Variants in TRPM3 observed in about 807,000 individuals in gnomAD.
TRPM3 encodes long transient receptor potential channel 3.
In TRPM3, 77 loss-of-function variants were observed where a neutral mutation model predicts 181.2. The ratio of observed to expected loss-of-function variants is 0.42; its 90% confidence interval spans 0.35 to 0.51. The LOEUF is 0.51. Among genes scored for constraint, TRPM3 ranks in the 20% least tolerant of loss-of-function variants. The probability of loss-of-function intolerance (pLI) is 0.01; values close to 1 mark genes in which losing one functional copy is unlikely to be tolerated. For missense variants in TRPM3, 1,759 were observed against 2,196.7 expected, an observed-to-expected ratio of 0.80 and a Z score of 3.98; for synonymous variants, 745 against 796.4, an observed-to-expected ratio of 0.94 and a Z score of 1.09.
chr9:70,755,593 C>G (rs988901483), intron 8 of TRPM3, among the ~76,000 whole-genome samples: 1 of 152,098 alleles, frequency 6.6e-6, no homozygotes, highest in African/African-American at 2.4e-5. Context: ...TCTCGAACTC[C>G]TGACCTCAGG....
intron 1 of TRPM3, among the ~76,000 whole-genome samples, chr9:71,414,032 T>TGAAA (rs1299098709): frequency 6.6e-6 from 1 of 152,102 alleles, no homozygotes; most frequent in Admixed American, 6.6e-5. Context: ...CAAGGCTAAA[T>TGAAA]GAAACCATAA....
At position 71,027,937 on chromosome 9, in the gene TRPM3, C is replaced by T. The variant is rs750798911; in HGVS notation, c.177+93241G>A. Among the ~76,000 whole-genome samples the T allele has an allele frequency of 9.1e-4, 139 of 152,134 alleles. 1 individual carries two copies. Among genetic ancestry groups the T allele is most frequent in the Non-Finnish European group, 1.9e-4 (13 of 68,036 alleles). On this transcript the variant is annotated intron_variant, in intron 1 of 25. Coordinates refer to ENST00000677713, the MANE Select transcript of TRPM3 (RefSeq NM_001366145.2). ...AACTTCCCCAACCTAGCTAGAGAGG[C>T]CAACATTCAAATTCAGGAAATGCAG...
At chr9:71,101,956 A>T (rs140801293) in intron 1 of TRPM3, among the ~76,000 whole-genome samples, 183 of 152,298 alleles carry the variant, frequency 1.2e-3, no homozygotes, top group African/African-American at 4.1e-3. Context: ...AATCAAAACT[A>T]TTCCAGCTTT....
intron 1 of TRPM3, among the ~76,000 whole-genome samples, chr9:71,048,128 T>C (rs1271011191): frequency 6.6e-6 from 1 of 152,214 alleles, no homozygotes; most frequent in African/African-American, 2.4e-5. Context: ...TTACTCTTAA[T>C]GGCAAAACCA....
chr9:71,029,250 A>C (rs1292691485), intron 1 of TRPM3, among the ~76,000 whole-genome samples: 1 of 152,196 alleles, frequency 6.6e-6, no homozygotes, highest in Non-Finnish European at 1.5e-5. Flanking sequence ...ACCTAAACTT[A>C]ATGCTTAAAA....
chr9:70,831,987 A>ATATTTATATATATATATT (rs2093957820), intron 5 of TRPM3, among the ~76,000 whole-genome samples: 10 of 127,146 alleles, frequency 7.9e-5, no homozygotes, highest in South Asian at 2.5e-4. Context: ...ATATATATAT[A>ATATTTATATATATATATT]TATATATATA....
chr9:71,155,404 G>GCCT (rs1189996103), intron 1 of TRPM3, among the ~76,000 whole-genome samples: 1 of 151,816 alleles, frequency 6.6e-6, no homozygotes. Flanking sequence ...TGCAACCTCT[G>GCCT]CCTCCTGGGT....
intron 1 of TRPM3, among the ~76,000 whole-genome samples, chr9:71,141,643 G>C (rs1413596439): frequency 6.6e-6 from 1 of 152,160 alleles, no homozygotes; most frequent in Non-Finnish European, 1.5e-5. Context: ...GTCAGAATCT[G>C]CAACAATACA....
intron 3 of TRPM3, among the ~76,000 whole-genome samples, chr9:70,854,728 A>G (rs12000623): frequency 6.6e-6 from 1 of 152,066 alleles, no homozygotes; most frequent in Non-Finnish European, 1.5e-5. Context: ...GGAATTACCT[A>G]TCTCTTCTCT....
intron 1 of TRPM3, among the ~76,000 whole-genome samples, chr9:71,259,500 T>C (rs1335759828): frequency 6.6e-6 from 1 of 152,208 alleles, no homozygotes; most frequent in Admixed American, 6.5e-5. Context: ...TAATTTGTAT[T>C]CCTACCAACA....
intron 1 of TRPM3, among the ~76,000 whole-genome samples, chr9:71,280,227 G>A (rs943815989): frequency 1.3e-5 from 2 of 152,096 alleles, no homozygotes; most frequent in Non-Finnish European, 2.9e-5. Context: ...ACTCAGGCAC[G>A]TGAATGCCAT....
intron 1 of TRPM3, among the ~76,000 whole-genome samples, chr9:70,894,634 A>C (rs938331497): frequency 6.6e-5 from 10 of 152,208 alleles, no homozygotes; most frequent in Non-Finnish European, 1.5e-4. Flanking sequence ...GTTGCAGTTG[A>C]GAATTTTCTA....
At position 71,062,469 on chromosome 9, in the gene TRPM3, A is replaced by G. The variant is rs187719943; in HGVS notation, c.177+58709T>C. Among the ~76,000 whole-genome samples, 4 of 152,246 alleles carry G rather than the reference A, an allele frequency of 2.6e-5. No homozygotes were observed. In the East Asian group the frequency reaches 7.7e-4, roughly 29 times the overall value. The stretch of plus-strand genomic sequence containing the variant: ...AACATCAATACAAACACAGCATAAA[A>G]CCATACAAAAACAGATTTTTCAAAA... On this transcript the variant is annotated intron_variant, in intron 1 of 25. Coordinates refer to ENST00000677713, the MANE Select transcript of TRPM3 (RefSeq NM_001366145.2).
At chr9:71,142,254 C>T (rs113171520) in intron 1 of TRPM3, among the ~76,000 whole-genome samples, 150 of 152,228 alleles carry the variant, frequency 9.9e-4, no homozygotes, top group African/African-American at 3.5e-3. Context: ...AGAGCATCTC[C>T]AAAACCGTTT....
rs551342575 is a variant in TRPM3, at chr9:70,877,514, A to G, written c.178-13003T>C. On this transcript the variant is annotated intron_variant, in intron 1 of 25. Coordinates refer to ENST00000677713, the MANE Select transcript of TRPM3 (RefSeq NM_001366145.2). Reference sequence around the variant, plus strand: ...AGAACTACCTCCCTCCAGGGAACTGAAACTCCCTACAGATTGTTTTATTTG... The same window carrying G: ...AGAACTACCTCCCTCCAGGGAACTGGAACTCCCTACAGATTGTTTTATTTG... Among the ~76,000 whole-genome samples the G allele has an allele frequency of 3.3e-5, 5 of 152,094 alleles. No homozygotes were observed. In the South Asian group the frequency reaches 8.3e-4, roughly 25 times the overall value.
chr9:70,990,987 C>T (rs968812181), intron 1 of TRPM3, among the ~76,000 whole-genome samples: 1 of 152,116 alleles, frequency 6.6e-6, no homozygotes, highest in African/African-American at 2.4e-5. Context: ...TTGCAATGTT[C>T]CATTTTGGAA....
intron 1 of TRPM3, among the ~76,000 whole-genome samples, chr9:71,228,664 AT>A (rs1400573958): frequency 6.6e-6 from 1 of 152,166 alleles, no homozygotes; most frequent in Non-Finnish European, 1.5e-5. Context: ...TAGCATTTCT[AT>A]ATGTCAATGG....
chr9:71,305,223 T>A (rs1053420210), intron 1 of TRPM3, among the ~76,000 whole-genome samples: 2 of 152,180 alleles, frequency 1.3e-5, no homozygotes, highest in African/African-American at 4.8e-5. Flanking sequence ...TTTAAAAGGT[T>A]TAATTATAAT....
At chr9:71,128,835 T>C (rs1653318331) in intron 1 of TRPM3, among the ~76,000 whole-genome samples, 1 of 152,210 alleles carries the variant, frequency 6.6e-6, no homozygotes, top group Admixed American at 6.5e-5. Context: ...GGCCAATGGA[T>C]ACCCAAATCA....
Sources: allele counts gnomAD v4.1 joint callset (sites outside exome capture counted in the v4.1 genomes callset), GRCh38; gene constraint gnomAD v4.1.1; transcripts MANE v1.5; gene names NCBI Gene and HGNC (gene_info 2026-07-23, HGNC 2026-07-21).